The following CAST variants were observed in gnomAD, a reference collection of about 807,000 sequenced individuals.
CAST encodes MIR583 host.
Under a neutral mutation model 119.6 loss-of-function variants are expected in CAST, and 76 were observed. The ratio of observed to expected loss-of-function variants is 0.64; its 90% CI spans 0.53 to 0.77. The LOEUF (loss-of-function observed/expected upper bound fraction) is 0.77. CAST is among the 30% of genes least tolerant of loss of function. The probability of loss-of-function intolerance (pLI) is 0.00; values close to 1 mark genes in which losing one functional copy is unlikely to be tolerated. For synonymous variants in CAST, 319 were observed against 331.6 expected (o/e 0.96, Z 0.41); for missense variants, 953 against 946.5 (o/e 1.01, Z -0.09).
the CAST span, among the ~76,000 whole-genome samples, chr5:96,273,907 T>C: frequency 4.6e-5 from 7 of 152,306 alleles, no homozygotes; most frequent in African/African-American, 1.4e-4. Context: ...TCCCTGTGCC[T>C]GTCATTCCTT....
the CAST span, among the ~76,000 whole-genome samples, chr5:96,334,386 C>T: frequency 4.6e-5 from 7 of 152,142 alleles, no homozygotes; most frequent in Non-Finnish European, 8.8e-5. Context: ...GCCCACCCAC[C>T]CACCTCCACC....
chr5:96,299,744 T>C, the CAST span, among the ~76,000 whole-genome samples: 1 of 152,220 alleles, frequency 6.6e-6, no homozygotes, highest in Non-Finnish European at 1.5e-5. Flanking sequence ...ATAATTTCAG[T>C]GCTATGTGAA....
At position 96,756,293 on chromosome 5, in the gene CAST, C is replaced by T. The variant is rs371414368; in HGVS notation, c.1711-1151C>T. On this transcript the variant is annotated intron_variant, in intron 22 of 31. Coordinates refer to ENST00000675179, the MANE Select transcript of CAST (RefSeq NM_001750.7). ...GCAAAAGTGCTCCCAGAGTCCCAGGCATCACTTAGGAAATTTTCTGCCTTT... is the reference window on the plus strand; with the variant it reads ...GCAAAAGTGCTCCCAGAGTCCCAGGTATCACTTAGGAAATTTTCTGCCTTT... Among the ~76,000 whole-genome samples, 23 of 152,258 alleles carry T rather than the reference C, an allele frequency of 1.5e-4. 1 individual carries two copies. The East Asian group carries it at 3.9e-3, about 26-fold the overall frequency.
At chr5:96,260,553 C>T in the CAST span, among the ~76,000 whole-genome samples, 1,074 of 152,322 alleles carry the variant, frequency 7.1e-3, 10 homozygotes, top group African/African-American at 0.025. Flanking sequence ...ATAATATATG[C>T]ATTTATAATG....
intron 1 of CAST, among the ~76,000 whole-genome samples, chr5:96,655,346 G>A (rs1173327158): frequency 6.6e-6 from 1 of 152,222 alleles, no homozygotes; most frequent in African/African-American, 2.4e-5. Flanking sequence ...GTGTGGCTGG[G>A]AAGCTGGCTT....
In CAST at chr5:96,772,618, T is replaced by C. The variant is rs976790545; in HGVS notation, c.*24-22T>C. ...ATTACATATTAAATGATTCACTGCATTTTTTATTTGAAATTTTTAAGGTAT... is the reference window on the plus strand; with the variant it reads ...ATTACATATTAAATGATTCACTGCACTTTTTATTTGAAATTTTTAAGGTAT... On this transcript the variant is annotated intron_variant, in intron 31 of 31. Transcript: ENST00000675179. The C allele has an allele frequency of 3.9e-5, 6 of 152,866 alleles. 1 individual carries two copies. The highest frequency in any genetic ancestry group is 1.4e-4 in the African/African-American group (6 of 41,586). 9.5% of individuals were successfully genotyped at this position (152,866 alleles called of 1,614,324 possible).
intron 1 of CAST, among the ~76,000 whole-genome samples, chr5:96,559,070 C>T (rs931369840): frequency 4.6e-5 from 7 of 152,180 alleles, no homozygotes; most frequent in Middle Eastern, 3.4e-3. Context: ...AATCGATAAA[C>T]GTAATCCAGC....
chr5:96,108,374 A>G, the CAST span, among the ~76,000 whole-genome samples: 4 of 150,332 alleles, frequency 2.7e-5, no homozygotes, highest in African/African-American at 7.3e-5. Context: ...TTTGGTCTTT[A>G]ATGATGGTGA....
At chr5:96,265,020 A>G in the CAST span, among the ~76,000 whole-genome samples, 1 of 152,214 alleles carries the variant, frequency 6.6e-6, no homozygotes, top group Admixed American at 6.5e-5. Flanking sequence ...GTATGTATGC[A>G]TTTCTGTTGG....
the CAST span, chr5:96,433,354 A>G: frequency 7.1e-6 from 3 of 422,736 alleles, no homozygotes; most frequent in Non-Finnish European, 1.3e-5. Context: ...TCCGAATGGT[A>G]TTCCCGGCGG....
chr5:96,153,272 T>C, the CAST span, among the ~76,000 whole-genome samples: 3 of 152,218 alleles, frequency 2.0e-5, no homozygotes, highest in African/African-American at 2.4e-5. Context: ...GATTCCCACC[T>C]TGGCTGGTTC....
At chr5:96,579,829 C>G (rs1238561548) in intron 1 of CAST, among the ~76,000 whole-genome samples, 1 of 152,192 alleles carries the variant, frequency 6.6e-6, no homozygotes, top group Non-Finnish European at 1.5e-5. Context: ...TTGTCTTTGG[C>G]TCTCAGATGC....
chr5:96,080,102 C>T, the CAST span, among the ~76,000 whole-genome samples: 192 of 152,250 alleles, frequency 1.3e-3, 1 homozygote, highest in Middle Eastern at 6.8e-3. Context: ...TACTGGCCTA[C>T]GACTTATTAG....
At chr5:95,991,365 T>A in the CAST span, among the ~76,000 whole-genome samples, 1 of 152,172 alleles carries the variant, frequency 6.6e-6, no homozygotes, top group Non-Finnish European at 1.5e-5. Context: ...ATGACCATAC[T>A]CTAAAGGTAT....
At chr5:96,336,857 T>C in the CAST span, among the ~76,000 whole-genome samples, 1 of 152,204 alleles carries the variant, frequency 6.6e-6, no homozygotes, top group Admixed American at 6.5e-5. Context: ...TTAGATTTCA[T>C]GTCTGTTAAT....
At chr5:96,393,012 C>T in the CAST span, 8 of 1,614,144 alleles carry the variant, frequency 5.0e-6, no homozygotes, top group Non-Finnish European at 5.9e-6. Context: ...TAATTTTCCT[C>T]ATTCAGAATG....
At chr5:96,134,503 G>A in the CAST span, among the ~76,000 whole-genome samples, 1 of 152,208 alleles carries the variant, frequency 6.6e-6, no homozygotes, top group Admixed American at 6.5e-5. Flanking sequence ...GGCCTTTAGG[G>A]CGACCCAAGG....
chr5:96,587,961 G>A (rs1046742982), intron 1 of CAST, among the ~76,000 whole-genome samples: 3 of 152,086 alleles, frequency 2.0e-5, no homozygotes, highest in African/African-American at 2.4e-5. Context: ...GTGCCAGCTC[G>A]CTGAGGCAGC....
chr5:96,421,905 G>A, the CAST span: 8 of 1,584,670 alleles, frequency 5.0e-6, no homozygotes, highest in Admixed American at 1.7e-5. Flanking sequence ...GGATCATATC[G>A]GGGAAATGGA....
Sources: allele counts gnomAD v4.1 joint callset (sites outside exome capture counted in the v4.1 genomes callset), GRCh38; gene constraint gnomAD v4.1.1; transcripts MANE v1.5; gene names NCBI Gene and HGNC (gene_info 2026-07-23, HGNC 2026-07-21).